ZNF787: variants seen among roughly 807,000 people sequenced by gnomAD.
ZNF787 encodes the protein TTF-I-interacting peptide 20.
In ZNF787, 7 loss-of-function variants were observed where a neutral mutation model predicts 16.9. That is an observed-to-expected ratio of 0.42 (90% confidence interval 0.24 to 0.78). The LOEUF is 0.78. ZNF787 is among the 30% of genes least tolerant of loss of function. The pLI is 0.30. For missense variants in ZNF787, 551 were observed against 589.3 expected (o/e 0.94, Z 0.67); for synonymous variants, 345 against 270.9 (o/e 1.27, Z -2.69).
In ZNF787 at chr19:56,088,406, C is replaced by T. The variant is rs1308332837; in HGVS notation, c.766G>A (p.Ala256Thr). 3.6e-6 allele frequency: 4 copies of T among 1,113,160 alleles called. No individual in the cohort carries two copies. Among genetic ancestry groups the T allele is most frequent in the Non-Finnish European group, 4.4e-6 (4 of 912,538 alleles). The allele number at this position is 1,113,160 out of a possible 1,614,324, so 69.0% of individuals were successfully genotyped here. Residue 256 changes from alanine (A) to threonine (T), a missense_variant, in exon 3 of 3, where the codon GCG (alanine) becomes ACG (threonine). Ala to Thr is a moderately conservative substitution (Grantham distance 58). Transcript: ENST00000610935. The surrounding 1 kb of genome is among the most constrained non-coding windows in gnomAD (Gnocchi z 8.6). ...GCCCCCGCGCCCGCCATGGCTGCCG[C>T]GGCCGCGGCCCCCTCGCCCGGCGCG... ...VGAPGEGAAA[A>T]AAMAGAGAKA...
At chr19:56,118,897 G>A (rs2030211301) in intron 1 of ZNF787, among the ~76,000 whole-genome samples, 1 of 152,132 alleles carries the variant, frequency 6.6e-6, no homozygotes. Flanking sequence ...GCCATTCCCT[G>A]CCCAGAGCCC....
chr19:56,088,536 C>G lies in ZNF787; in HGVS notation c.636G>C (p.Val212=), dbSNP rs563092209. 6.2e-6 allele frequency: 9 copies of G among 1,452,540 alleles called. No individual in the cohort carries two copies. The South Asian group carries it at 1.2e-4, about 19-fold the overall frequency. 90.0% of individuals were successfully genotyped at this position (1,452,540 alleles called of 1,614,324 possible). A position where few individuals can be genotyped will look rare whatever the true frequency, so the allele number is the denominator to read the frequency against. Residue 212 remains valine (V), a synonymous_variant, in exon 3 of 3, where the codon GTG becomes GTC. Transcript: ENST00000610935. This position sits in a 1 kb window ranked among gnomAD's most constrained non-coding sequence, Gnocchi z 8.6. ...TGGCCCGCCGGACGCTAGCCGCCAG[C>G]ACCTTGGCCGCCACGCCAGGCCCCG... The part of the protein sequence containing the change: ...ELSGPGVAAK[V]LAASVRRAKG...
intron 2 of ZNF787, among the ~76,000 whole-genome samples, chr19:56,095,244 G>A (rs1423649015): frequency 3.3e-5 from 5 of 152,164 alleles, no homozygotes; most frequent in South Asian, 4.1e-4. Context: ...TCGCTCATGC[G>A]CCACTCACCT....
At position 56,088,124 on chromosome 19, in the gene ZNF787, A is replaced by AGCT; in HGVS notation, c.1045_1047dup (p.Ser349dup). ...CCCGCGCGGTAGTAGCTCTGTCCGC[A>AGCT]GCTGCTGCAGACCGAGGGCGCGCCC... On this transcript the variant is annotated inframe_insertion, in exon 3 of 3. Coordinates refer to ENST00000610935, the MANE Select transcript of ZNF787 (RefSeq NM_001002836.4). The surrounding 1 kb of genome is among the most constrained non-coding windows in gnomAD (Gnocchi z 8.6). The AGCT allele has an allele frequency of 6.5e-7, 1 of 1,546,398 alleles. No individual in the cohort carries two copies. The highest frequency in any genetic ancestry group is 8.7e-7 in the Non-Finnish European group (1 of 1,152,168).
chr19:56,116,238 G>A (rs1485166225), intron 1 of ZNF787, among the ~76,000 whole-genome samples: 6 of 152,082 alleles, frequency 3.9e-5, no homozygotes, highest in East Asian at 1.9e-4. Context: ...TCAGGAGATC[G>A]AGACCATCCT....
At chr19:56,117,743 C>T (rs1290513605) in intron 1 of ZNF787, among the ~76,000 whole-genome samples, 1 of 152,258 alleles carries the variant, frequency 6.6e-6, no homozygotes, top group Non-Finnish European at 1.5e-5. Flanking sequence ...CCATCAGTCC[C>T]ACAGTGCATC....
intron 1 of ZNF787, among the ~76,000 whole-genome samples, chr19:56,114,148 G>A (rs965364390): frequency 9.9e-5 from 15 of 152,168 alleles, no homozygotes; most frequent in African/African-American, 3.4e-4. Context: ...GCACCACAGG[G>A]TTCCATCTGG....
chr19:56,101,057 G>A lies in ZNF787; in HGVS notation c.79+2082C>T, dbSNP rs1253986062. Among the ~76,000 whole-genome samples, 6 of 138,514 alleles carry A rather than the reference G, an allele frequency of 4.3e-5. 1 individual carries two copies. The highest frequency in any genetic ancestry group is 2.1e-4 in the East Asian group (1 of 4,686). The allele number at this position is 138,514 out of a possible 152,430, so 90.9% of individuals were successfully genotyped here. On this transcript the variant is annotated intron_variant, in intron 2 of 2. Coordinates refer to ENST00000610935, the MANE Select transcript of ZNF787 (RefSeq NM_001002836.4). ...TCTGTCACTGTCACATAGGAGGGAC[G>A]CACGTAAGTGGGACCCCACATGCTA... is the stretch of plus-strand genomic sequence containing the variant.
chr19:56,098,743 A>AT (rs1436660406), intron 2 of ZNF787, among the ~76,000 whole-genome samples: 4 of 100,382 alleles, frequency 4.0e-5, no homozygotes, highest in African/African-American at 1.2e-4. Context: ...CGCCAGGGTG[A>AT]TACGGCCGCT....
At chr19:56,100,391 G>C (rs1986045151) in intron 2 of ZNF787, among the ~76,000 whole-genome samples, 1 of 152,158 alleles carries the variant, frequency 6.6e-6, no homozygotes, top group African/African-American at 2.4e-5. Context: ...GCAGGATGGT[G>C]AAAGTTGCCT....
intron 1 of ZNF787, among the ~76,000 whole-genome samples, chr19:56,110,125 G>C (rs1286451197): frequency 6.6e-6 from 1 of 152,226 alleles, no homozygotes; most frequent in Non-Finnish European, 1.5e-5. Flanking sequence ...ACTTTGGGAG[G>C]CCAAGGCAGG....
Position 56,093,159 on chromosome 19 carries a change from T to C in ZNF787, c.80-4067A>G, listed in dbSNP as rs543496375. ...GACACAGGGGATGGCGGAACTGGGATATTCCATAGACACGGGGATGGCGGA... is the reference window on the plus strand; with the variant it reads ...GACACAGGGGATGGCGGAACTGGGACATTCCATAGACACGGGGATGGCGGA... On this transcript the variant is annotated intron_variant, in intron 2 of 2. Transcript: ENST00000610935. 3.1e-4 allele frequency among the ~76,000 whole-genome samples: 46 copies of C among 149,674 alleles called. No homozygotes were observed. The South Asian group carries it at 4.7e-3, about 15-fold the overall frequency.
At chr19:56,100,938 T>C (rs1295806367) in intron 2 of ZNF787, among the ~76,000 whole-genome samples, 1 of 134,232 alleles carries the variant, frequency 7.4e-6, no homozygotes, top group African/African-American at 2.9e-5. Flanking sequence ...CCACGAACGA[T>C]GTCTGTCACT....
At chr19:56,113,806 A>G (rs2030052388) in intron 1 of ZNF787, among the ~76,000 whole-genome samples, 1 of 152,176 alleles carries the variant, frequency 6.6e-6, no homozygotes, top group South Asian at 2.1e-4. Context: ...CAGTGAATAC[A>G]CTAAAAACCT....
At chr19:56,112,904 G>T (rs984215933) in intron 1 of ZNF787, among the ~76,000 whole-genome samples, 2 of 57,102 alleles carry the variant, frequency 3.5e-5, no homozygotes, top group African/African-American at 1.5e-4. Context: ...CCTCCAGCAC[G>T]GAGGGCTCTG....
Position 56,087,573 on chromosome 19 carries a change from TTAAAAGAAAATTC to T in ZNF787, c.*437_*449del, listed in dbSNP as rs150405930. ...GGCGGGGAGTCAAAAGGTGGGCTGA[TTAAAAGAAAATTC>T]TAAAAGAGAAAAGGGCCCCTGGTTC... On this transcript the variant is annotated 3_prime_UTR_variant, in exon 3 of 3. Transcript: ENST00000610935. 5,958 of 153,024 alleles carry T rather than the reference TTAAAAGAAAATTC, an allele frequency of 0.039. 146 individuals carry two copies. Among genetic ancestry groups the T allele is most frequent in the African/African-American group, 0.066 (2,724 of 41,408 alleles). 9.5% of individuals were successfully genotyped at this position (153,024 alleles called of 1,614,324 possible).
At chr19:56,104,325 G>GACA (rs1555776902) in intron 1 of ZNF787, among the ~76,000 whole-genome samples, 1 of 94 alleles carries the variant, frequency 0.011, no homozygotes, top group Non-Finnish European at 0.031. Flanking sequence ...CCCTACGCAC[G>GACA]CCGCCGACCC....
At chr19:56,100,861 CATAGGAGGG>C (rs1986066854) in intron 2 of ZNF787, among the ~76,000 whole-genome samples, 1 of 143,804 alleles carries the variant, frequency 7.0e-6, no homozygotes, top group African/African-American at 2.6e-5. Flanking sequence ...GTCACTGTCA[CATAGGAGGG>C]ACGCATGTAG....
chr19:56,101,260 G>A (rs770435800), intron 2 of ZNF787, among the ~76,000 whole-genome samples: 25 of 152,388 alleles, frequency 1.6e-4, no homozygotes, highest in Non-Finnish European at 2.9e-4. Flanking sequence ...GGAGTTACGC[G>A]AACGCCGGAC....
Sources: allele counts gnomAD v4.1 joint callset (sites outside exome capture counted in the v4.1 genomes callset), GRCh38; gene constraint gnomAD v4.1.1; non-coding constraint Gnocchi (gnomAD v3.1); transcripts MANE v1.5; gene names NCBI Gene and HGNC (gene_info 2026-07-23, HGNC 2026-07-21).